ULK4: variants seen among roughly 807,000 people sequenced by gnomAD.
The protein encoded by ULK4 is inactive serine/threonine-protein kinase ULK4.
In ULK4, 133 loss-of-function variants were observed where a neutral mutation model predicts 160.6. The ratio of observed to expected loss-of-function variants is 0.83; its 90% CI spans 0.72 to 0.96. The LOEUF (loss-of-function observed/expected upper bound fraction) is 0.96. ULK4 is among the 40% of genes least tolerant of loss of function. The probability of loss-of-function intolerance (pLI) is 0.00; values close to 1 mark genes in which losing one functional copy is unlikely to be tolerated. For missense variants in ULK4, 1,580 were observed against 1,499.5 expected (o/e 1.05, Z -0.89); for synonymous variants, 534 against 539.8 (o/e 0.99, Z 0.15).
At chr3:41,440,616 T>C (rs1182780731) in intron 34 of ULK4, among the ~76,000 whole-genome samples, 3 of 152,120 alleles carry the variant, frequency 2.0e-5, no homozygotes, top group Admixed American at 6.5e-5. Flanking sequence ...GGTAGTTTTC[T>C]TTTCTTGTAC....
At chr3:41,822,112 C>T (rs1024206786) in intron 18 of ULK4, among the ~76,000 whole-genome samples, 3 of 152,134 alleles carry the variant, frequency 2.0e-5, no homozygotes, top group Non-Finnish European at 4.4e-5. Flanking sequence ...CATAATTACC[C>T]TCTTAAAACT....
intron 19 of ULK4, among the ~76,000 whole-genome samples, chr3:41,805,196 CA>C (rs1460688877): frequency 1.3e-5 from 2 of 151,800 alleles, no homozygotes; most frequent in East Asian, 3.9e-4. Context: ...AGAGGTCCTT[CA>C]CGTCCCTTGT....
chr3:41,629,656 TC>T (rs2033669412), intron 30 of ULK4, among the ~76,000 whole-genome samples: 1 of 152,136 alleles, frequency 6.6e-6, no homozygotes, highest in Non-Finnish European at 1.5e-5. Flanking sequence ...TAAAATATGA[TC>T]TACTACAGTA....
At chr3:41,874,813 C>T (rs1697240229) in intron 17 of ULK4, among the ~76,000 whole-genome samples, 1 of 152,116 alleles carries the variant, frequency 6.6e-6, no homozygotes. Flanking sequence ...TACAACTCAT[C>T]CATGTAATCA....
intron 35 of ULK4, among the ~76,000 whole-genome samples, chr3:41,260,575 T>A (rs928638709): frequency 6.6e-6 from 1 of 152,154 alleles, no homozygotes; most frequent in African/African-American, 2.4e-5. Context: ...CTGTCCATGA[T>A]TAGTAAGCGG....
At chr3:41,781,391 T>G (rs1277102267) in intron 21 of ULK4, among the ~76,000 whole-genome samples, 1 of 147,698 alleles carries the variant, frequency 6.8e-6, no homozygotes, top group African/African-American at 2.5e-5. Flanking sequence ...CACTCCAGCC[T>G]GGGCAACAGA....
chr3:41,581,096 C>G (rs1427034888), intron 31 of ULK4, among the ~76,000 whole-genome samples: 1 of 152,058 alleles, frequency 6.6e-6, no homozygotes, highest in Non-Finnish European at 1.5e-5. Flanking sequence ...AGAATATACA[C>G]TAATCAACCC....
At chr3:41,655,772 C>G (rs898164766) in intron 30 of ULK4, among the ~76,000 whole-genome samples, 7 of 152,086 alleles carry the variant, frequency 4.6e-5, no homozygotes, top group African/African-American at 1.7e-4. Flanking sequence ...TGTATAAATT[C>G]AGCTAATTGA....
intron 32 of ULK4, among the ~76,000 whole-genome samples, chr3:41,561,938 T>C (rs1257704283): frequency 6.6e-6 from 1 of 152,176 alleles, no homozygotes; most frequent in Non-Finnish European, 1.5e-5. Context: ...CTCTAGTTCT[T>C]TTAATTGTGA....
intron 35 of ULK4, among the ~76,000 whole-genome samples, chr3:41,382,031 T>C (rs2081664867): frequency 6.6e-6 from 1 of 152,188 alleles, no homozygotes; most frequent in South Asian, 2.1e-4. Flanking sequence ...CTGCTTTCTC[T>C]ACTTCTTTCA....
rs372357622 is a variant in ULK4, at chr3:41,724,301, A to G, written c.2322-6440T>C. 1.2e-4 allele frequency among the ~76,000 whole-genome samples: 18 copies of G among 152,334 alleles called. No homozygotes were observed. In the South Asian group the frequency reaches 2.9e-3, roughly 25 times the overall value. Reference sequence around the variant, plus strand: ...ATGCACATAAACATTTCTATTGGATATATCTGTATCCTTGGAAGTAAATTT... The same window carrying G: ...ATGCACATAAACATTTCTATTGGATGTATCTGTATCCTTGGAAGTAAATTT... On this transcript the variant is annotated intron_variant, in intron 22 of 36. Transcript: ENST00000301831.
chr3:41,624,809 C>T (rs2033419995), intron 30 of ULK4, among the ~76,000 whole-genome samples: 1 of 152,100 alleles, frequency 6.6e-6, no homozygotes, highest in South Asian at 2.1e-4. Context: ...TGTACATATG[C>T]TGCGTTTTTT....
chr3:41,479,517 T>C lies in ULK4; in HGVS notation c.3227-16264A>G, dbSNP rs185891212. Among the ~76,000 whole-genome samples the C allele has an allele frequency of 2.3e-3, 355 of 152,266 alleles. 3 individuals are homozygous for C. The highest frequency in any genetic ancestry group is 7.9e-3 in the African/African-American group (329 of 41,564). On this transcript the variant is annotated intron_variant, in intron 32 of 36. Coordinates refer to ENST00000301831, the MANE Select transcript of ULK4 (RefSeq NM_017886.4). ...ATTGTGGGGAAGGAGAGACTTGAAG[T>C]GGACTTTGCAGATCATCTGGATTTG...
rs1183049646 is a variant in ULK4 at position 41,737,214 on chromosome 3, C to A, written c.2321+17147G>T. On this transcript the variant is annotated intron_variant, in intron 22 of 36. Coordinates refer to ENST00000301831, the MANE Select transcript of ULK4 (RefSeq NM_017886.4). Reference sequence around the variant, plus strand: ...CAAAAATCACAAGCATTCTTATACACCAATAACAGACAAACAGAGAGCCAA... The same window carrying A: ...CAAAAATCACAAGCATTCTTATACAACAATAACAGACAAACAGAGAGCCAA... Among the ~76,000 whole-genome samples, 2 of 151,878 alleles carry A rather than the reference C, an allele frequency of 1.3e-5. 1 individual carries two copies. The highest frequency in any genetic ancestry group is 4.9e-5 in the African/African-American group (2 of 41,186).
chr3:41,481,488 C>T (rs2084318088), intron 32 of ULK4, among the ~76,000 whole-genome samples: 2 of 152,152 alleles, frequency 1.3e-5, no homozygotes, highest in Non-Finnish European at 2.9e-5. Flanking sequence ...ATTTACTAAA[C>T]AGACCTAGAC....
intron 35 of ULK4, among the ~76,000 whole-genome samples, chr3:41,313,722 C>T (rs2080095054): frequency 6.6e-6 from 1 of 152,220 alleles, no homozygotes; most frequent in South Asian, 2.1e-4. Flanking sequence ...TTTATTTCTT[C>T]AGTTCTATAG....
chr3:41,857,920 G>C (rs1051576602), intron 17 of ULK4, among the ~76,000 whole-genome samples: 1 of 151,758 alleles, frequency 6.6e-6, no homozygotes, highest in African/African-American at 2.4e-5. Context: ...TTGTTTCATT[G>C]ATCTTTCATA....
At chr3:41,893,752 C>T (rs984789434) in intron 16 of ULK4, among the ~76,000 whole-genome samples, 4 of 151,764 alleles carry the variant, frequency 2.6e-5, no homozygotes, top group African/African-American at 7.3e-5. Flanking sequence ...ATTTACAATA[C>T]GTAATATATA....
At chr3:41,934,587 T>A (rs1271752105) in intron 4 of ULK4, among the ~76,000 whole-genome samples, 1 of 152,056 alleles carries the variant, frequency 6.6e-6, no homozygotes, top group Non-Finnish European at 1.5e-5. Flanking sequence ...TCTTGAAAAA[T>A]CTATCTCCAT....
Sources: gnomAD v4.1 joint callset for allele counts (sites outside exome capture counted in the v4.1 genomes callset) on GRCh38, gnomAD v4.1.1 for gene constraint, MANE v1.5 for transcripts, NCBI Gene and HGNC (gene_info 2026-07-23, HGNC 2026-07-21) for gene names.